The following GARIN1A variants were observed in gnomAD, a reference collection of about 807,000 sequenced individuals.
GARIN1A encodes golgi associated RAB2 interactor 1A, also known as Golgi-associated RAB2 interactor protein 1A.
the GARIN1A span, among the ~76,000 whole-genome samples, chr7:128,682,349 T>C: frequency 6.6e-6 from 1 of 152,204 alleles, no homozygotes; most frequent in Non-Finnish European, 1.5e-5. Flanking sequence ...TAATACATTA[T>C]ATTCTCAACA....
the GARIN1A span, among the ~76,000 whole-genome samples, chr7:128,676,712 C>G: frequency 6.6e-6 from 1 of 151,774 alleles, no homozygotes; most frequent in African/African-American, 2.4e-5. Flanking sequence ...AGACAGCTAT[C>G]CTTTTCCTTG....
chr7:128,680,280 A>G, the GARIN1A span: 1 of 480,598 alleles, frequency 2.1e-6, no homozygotes, highest in Non-Finnish European at 3.6e-6. Context: ...TTTTCTGTCA[A>G]TTTTATTGTA....
the GARIN1A span, among the ~76,000 whole-genome samples, chr7:128,692,224 G>T: frequency 6.6e-6 from 1 of 152,282 alleles, no homozygotes; most frequent in South Asian, 2.1e-4. Context: ...GTAGGGAAAC[G>T]TGCCAGCCAT....
the GARIN1A span, chr7:128,679,911 C>T: frequency 1.9e-6 from 1 of 538,564 alleles, no homozygotes; most frequent in Non-Finnish European, 3.2e-6. Context: ...GGAACAGGTT[C>T]CCAGGGTTAG....
chr7:128,673,749 G>A, the GARIN1A span, among the ~76,000 whole-genome samples: 4 of 152,172 alleles, frequency 2.6e-5, no homozygotes, highest in Non-Finnish European at 5.9e-5. Flanking sequence ...TGCCCCAGGA[G>A]ATGTGTAGTT....
At chr7:128,680,967 C>T in the GARIN1A span, among the ~76,000 whole-genome samples, 1 of 152,242 alleles carries the variant, frequency 6.6e-6, no homozygotes. Flanking sequence ...CTTTCTGTAA[C>T]AAGTAATAGA....
the GARIN1A span, chr7:128,691,408 A>C: frequency 6.6e-6 from 1 of 152,266 alleles, no homozygotes; most frequent in South Asian, 2.1e-4. Flanking sequence ...GACATAAGGT[A>C]GGCTGTTAAC....
chr7:128,682,979 C>A, the GARIN1A span: 1 of 1,602,296 alleles, frequency 6.2e-7, no homozygotes, highest in Non-Finnish European at 8.5e-7. Flanking sequence ...ATGACACTGC[C>A]ATTGAAATAG....
At chr7:128,678,752 A>G in the GARIN1A span, among the ~76,000 whole-genome samples, 2 of 151,836 alleles carry the variant, frequency 1.3e-5, no homozygotes, top group Admixed American at 6.6e-5. Context: ...GTGAGCTGAA[A>G]TTATGCCACT....
chr7:128,689,751 C>CAT, the GARIN1A span, among the ~76,000 whole-genome samples: 2 of 88,694 alleles, frequency 2.3e-5, no homozygotes, highest in African/African-American at 7.0e-5. Context: ...TGGGGGTCAG[C>CAT]CCCCGCCGGC....
chr7:128,688,814 C>T, the GARIN1A span, among the ~76,000 whole-genome samples: 29 of 122,774 alleles, frequency 2.4e-4, no homozygotes, highest in African/African-American at 7.7e-4. Flanking sequence ...CACAGTCTCC[C>T]TCTCCCTCTC....
At chr7:128,707,424 C>A in the GARIN1A span, among the ~76,000 whole-genome samples, 5 of 151,938 alleles carry the variant, frequency 3.3e-5, no homozygotes, top group Non-Finnish European at 5.9e-5. Context: ...CCCTACCCAG[C>A]CCCTGGCAAT....
chr7:128,672,521 T>G, the GARIN1A span: 1 of 1,610,404 alleles, frequency 6.2e-7, no homozygotes, highest in Admixed American at 1.7e-5. Flanking sequence ...GTTCTCCAAC[T>G]CGGTGGTGTT....
chr7:128,671,702 A>C, the GARIN1A span, among the ~76,000 whole-genome samples: 1 of 151,740 alleles, frequency 6.6e-6, no homozygotes, highest in African/African-American at 2.4e-5. Flanking sequence ...GGTTTGTAGC[A>C]TTCCTGAAAA....
the GARIN1A span, chr7:128,687,631 G>T: frequency 2.8e-4 from 43 of 152,296 alleles, no homozygotes; most frequent in Non-Finnish European, 5.4e-4. Context: ...TCCACCATGG[G>T]CCTTGAGCAT....
At chr7:128,677,252 A>G in the GARIN1A span, among the ~76,000 whole-genome samples, 1 of 151,658 alleles carries the variant, frequency 6.6e-6, no homozygotes, top group Non-Finnish European at 1.5e-5. Flanking sequence ...TCACGCCTGT[A>G]ATCCCAGCAC....
chr7:128,674,787 G>A, the GARIN1A span, among the ~76,000 whole-genome samples: 6 of 152,194 alleles, frequency 3.9e-5, no homozygotes, highest in East Asian at 1.9e-4. Context: ...CAATGGTGTC[G>A]ATAGTTTTAC....
At chr7:128,675,761 A>G in the GARIN1A span, 1 of 1,613,246 alleles carries the variant, frequency 6.2e-7, no homozygotes, top group Middle Eastern at 1.7e-4. Flanking sequence ...CCTCCCTGCC[A>G]CTCCCCAATG....
the GARIN1A span, chr7:128,684,832 A>G: frequency 6.6e-6 from 1 of 151,730 alleles, no homozygotes; most frequent in Admixed American, 6.6e-5. Flanking sequence ...ATCTTTGAGT[A>G]TTGGGAATGG....
Sources: gnomAD v4.1 joint callset for allele counts (sites outside exome capture counted in the v4.1 genomes callset) on GRCh38, gnomAD v4.1.1 for gene constraint, MANE v1.5 for transcripts, NCBI Gene and HGNC (gene_info 2026-07-23, HGNC 2026-07-21) for gene names.